Variants in IDH3A observed in about 807,000 individuals in gnomAD.
IDH3A encodes isocitrate dehydrogenase (NAD(+)) 3 catalytic subunit alpha, also known as isocitrate dehydrogenase [NAD] subunit alpha, mitochondrial.
A neutral mutation model predicts 43.3 loss-of-function variants in IDH3A; 23 were observed. That is an observed-to-expected ratio of 0.53 (90% CI 0.38 to 0.75). The LOEUF is 0.75. IDH3A is among the 30% of genes least tolerant of loss of function. The pLI, the probability that IDH3A is intolerant of heterozygous loss-of-function variation, is 0.00. For synonymous variants in IDH3A, 154 were observed against 163.5 expected (o/e 0.94, Z 0.44); for missense variants, 329 against 474.4 (o/e 0.69, Z 2.85).
In IDH3A at chr15:78,171,350, A is replaced by G; in HGVS notation, c.*2345A>G. The G allele has an allele frequency of 9.7e-7, 1 of 1,026,958 alleles. No homozygotes were observed. Among genetic ancestry groups the G allele is most frequent in the Non-Finnish European group, 1.5e-6 (1 of 685,982 alleles). The allele number at this position is 1,026,958 out of a possible 1,614,324, so 63.6% of individuals were successfully genotyped here. A position where few individuals can be genotyped will look rare whatever the true frequency, so the allele number is the denominator to read the frequency against. Reference sequence around the variant, plus strand: ...CTGGAGATCTAACAGACTTGGCAGAAATGCCTGTGCCCAGACTGAAGAGAC... The same window carrying G: ...CTGGAGATCTAACAGACTTGGCAGAGATGCCTGTGCCCAGACTGAAGAGAC... On this transcript the variant is annotated 3_prime_UTR_variant, in exon 11 of 11. Transcript: ENST00000299518.
intron 9 of IDH3A, among the ~76,000 whole-genome samples, chr15:78,165,916 T>C (rs2074735990): frequency 6.6e-6 from 1 of 152,174 alleles, no homozygotes; most frequent in Admixed American, 6.5e-5. Flanking sequence ...CTTGAACTCC[T>C]GGCCTCAAGT....
chr15:78,166,295 A>T lies in IDH3A; in HGVS notation c.1010A>T (p.Asp337Val), dbSNP rs376535434. The change falls in exon 10 of 11, where the codon GAC becomes GTC. Residue 337 changes from aspartate (D) to valine (V), a missense_variant. Coordinates refer to ENST00000299518, the MANE Select transcript of IDH3A (RefSeq NM_005530.3). The stretch of plus-strand genomic sequence containing the variant: ...GCTGCGTGTTTTGCTACAATTAAGG[A>T]CGGAAAGGTAACAGGAATCTTGATT... ...IEAACFATIK[D>V]GKSLTKDLGG... The T allele has an allele frequency of 7.4e-6, 12 of 1,613,992 alleles. No individual in the cohort carries two copies. In the African/African-American group the frequency reaches 1.3e-4, roughly 18 times the overall value.
intron 7 of IDH3A, 51 bp from the exon 8 acceptor site, chr15:78,163,665 T>A: frequency 6.4e-7 from 1 of 1,556,722 alleles, no homozygotes; most frequent in Non-Finnish European, 8.9e-7. Flanking sequence ...TGTCTGTGTG[T>A]TGTGGGGATG....
At chr15:78,160,677 A>G (rs2074672964) in intron 4 of IDH3A, among the ~76,000 whole-genome samples, 1 of 152,092 alleles carries the variant, frequency 6.6e-6, no homozygotes, top group Admixed American at 6.6e-5. Flanking sequence ...AGTTTTTTGT[A>G]GAGATGGGGT....
intron 2 of IDH3A, chr15:78,157,102 C>T (rs1169537637): frequency 8.7e-7 from 1 of 1,151,592 alleles, no homozygotes; most frequent in African/African-American, 1.6e-5. Context: ...AGAAGCTTTC[C>T]AGGATCACAA....
Position 78,162,372 on chromosome 15 carries a change from G to A in IDH3A, c.611+5G>A, listed in dbSNP as rs2074690556. 6.2e-7 allele frequency: 1 copy of A among 1,613,580 alleles called. No individual in the cohort carries two copies. Among genetic ancestry groups the A allele is most frequent in the African/African-American group, 1.3e-5 (1 of 75,030 alleles). Reference sequence around the variant, plus strand: ...GGTGCACAAAGCCAACATCATGTGAGCTCCTTGCGGGGGCCGGCACCCCAT... The same window carrying A: ...GGTGCACAAAGCCAACATCATGTGAACTCCTTGCGGGGGCCGGCACCCCAT... On this transcript the variant is annotated splice_donor_5th_base_variant and intron_variant, in intron 6 of 10. Coordinates refer to ENST00000299518, the MANE Select transcript of IDH3A (RefSeq NM_005530.3).
At chr15:78,155,013 G>A (rs192992217) in intron 1 of IDH3A, among the ~76,000 whole-genome samples, 200 bp from the exon 2 acceptor site, 1 of 152,278 alleles carries the variant, frequency 6.6e-6, no homozygotes, top group East Asian at 1.9e-4. Flanking sequence ...TCAATCTAAA[G>A]TAAAAATCTG....
chr15:78,160,235 T>C, intron 4 of IDH3A, 29 bp downstream of exon 4: 2 of 1,335,462 alleles, frequency 1.5e-6, no homozygotes, highest in Non-Finnish European at 2.2e-6. Flanking sequence ...CGGGGGTTTT[T>C]ACAGATTTCC....
chr15:78,158,786 TA>T (rs2074652055), intron 3 of IDH3A, among the ~76,000 whole-genome samples: 2 of 151,864 alleles, frequency 1.3e-5, no homozygotes, highest in South Asian at 4.2e-4. Context: ...TATTGTTTTT[TA>T]AAAACAGCTT....
In IDH3A at chr15:78,162,323, C is replaced by T; in HGVS notation, c.567C>T (p.Asn189=). The change falls in exon 6 of 11, where the codon AAC becomes AAT. Residue 189 remains asparagine, a synonymous_variant. Coordinates refer to ENST00000299518, the MANE Select transcript of IDH3A (RefSeq NM_005530.3). The stretch of plus-strand genomic sequence containing the variant: ...AGTTTGCCTTTGAGTATGCCCGGAA[C>T]AACCACCGGAGCAACGTCACGGCGG... ...IAEFAFEYAR[N]NHRSNVTAVH... is the part of the protein sequence containing the mutation. 1.2e-6 allele frequency: 2 copies of T among 1,614,200 alleles called. No individual in the cohort carries two copies. Among genetic ancestry groups the T allele is most frequent in the Non-Finnish European group, 1.7e-6 (2 of 1,180,044 alleles).
intron 1 of IDH3A, among the ~76,000 whole-genome samples, chr15:78,152,061 T>C (rs1160504953): frequency 6.9e-6 from 1 of 144,806 alleles, no homozygotes; most frequent in Non-Finnish European, 1.5e-5. Context: ...TTTTTTTTTT[T>C]TTTTTTTTTT....
intron 9 of IDH3A, among the ~76,000 whole-genome samples, chr15:78,165,820 C>G (rs1392709236): frequency 6.6e-6 from 1 of 152,100 alleles, no homozygotes; most frequent in Non-Finnish European, 1.5e-5. Flanking sequence ...TCCCAAGTAG[C>G]TGGCACTGTA....
intron 6 of IDH3A, among the ~76,000 whole-genome samples, chr15:78,162,957 G>C (rs1295305529): frequency 6.6e-6 from 1 of 152,216 alleles, no homozygotes; most frequent in African/African-American, 2.4e-5. Context: ...ATCAGGAAAG[G>C]AAATTGGAGC....
At chr15:78,156,906 A>G in intron 2 of IDH3A, 1 of 1,351,768 alleles carries the variant, frequency 7.4e-7, no homozygotes, top group African/African-American at 1.5e-5. Flanking sequence ...TTTTGGTTGC[A>G]GATCAACTTT....
intron 1 of IDH3A, 75 bp downstream of exon 1, chr15:78,149,505 G>A (rs2074554991): frequency 2.2e-6 from 3 of 1,351,450 alleles, no homozygotes; most frequent in East Asian, 2.9e-5. Context: ...CGCGTGCCGG[G>A]TGTGGGCGGG....
Position 78,149,427 on chromosome 15 carries a change from T to A in IDH3A, c.24T>A (p.Ser8=). MAGPAWI[S]KVSRLLGAFH... is the part of the protein sequence containing the mutation. Reference sequence around the variant, plus strand: ...CGATGGCTGGGCCCGCGTGGATCTCTAAGGTGAGCGCTGGCAGGCCGGCGT... The same window carrying A: ...CGATGGCTGGGCCCGCGTGGATCTCAAAGGTGAGCGCTGGCAGGCCGGCGT... Residue 8 remains serine, a synonymous_variant, in exon 1 of 11, where the codon TCT becomes TCA. Coordinates refer to ENST00000299518, the MANE Select transcript of IDH3A (RefSeq NM_005530.3). The A allele has an allele frequency of 6.5e-7, 1 of 1,548,610 alleles. No individual in the cohort carries two copies. The highest frequency in any genetic ancestry group is 2.5e-5 in the East Asian group (1 of 40,208).
At chr15:78,163,406 T>C (rs1266436721) in intron 6 of IDH3A, 101 bp from the exon 7 acceptor site, 2 of 759,850 alleles carry the variant, frequency 2.6e-6, no homozygotes, top group Non-Finnish European at 4.4e-6. Flanking sequence ...GTAGCTTGGC[T>C]TCTGGAACTT....
rs976007501 is a variant in IDH3A at position 78,161,291 on chromosome 15, C to T, written c.290-290C>T. Reference sequence around the variant, plus strand: ...TTATTCTTATTTTTTCTTTTTTCGTCATTTTTAAATGACAGTAACAGAGTT... The same window carrying T: ...TTATTCTTATTTTTTCTTTTTTCGTTATTTTTAAATGACAGTAACAGAGTT... On this transcript the variant is annotated intron_variant, in intron 4 of 10. Transcript: ENST00000299518. This position sits in a 1 kb window ranked among gnomAD's most constrained non-coding sequence, Gnocchi z 4.8. Among the ~76,000 whole-genome samples, 3 of 152,116 alleles carry T rather than the reference C, an allele frequency of 2.0e-5. No individual in the cohort carries two copies. The highest frequency in any genetic ancestry group is 7.2e-5 in the African/African-American group (3 of 41,430).
chr15:78,171,374 A>G lies in IDH3A; in HGVS notation c.*2369A>G, dbSNP rs1595876183. The G allele has an allele frequency of 1.5e-6, 2 of 1,339,152 alleles. No homozygotes were observed. The highest frequency in any genetic ancestry group is 4.7e-5 in the East Asian group (2 of 42,692). The allele number at this position is 1,339,152 out of a possible 1,614,324, so 83.0% of individuals were successfully genotyped here. A position where few individuals can be genotyped will look rare whatever the true frequency, so the allele number is the denominator to read the frequency against. ...AAATGCCTGTGCCCAGACTGAAGAG[A>G]CCTGGGGCTCAGGAAGAGGCTCGGA... On this transcript the variant is annotated 3_prime_UTR_variant, in exon 11 of 11. Transcript: ENST00000299518.
Sources: gnomAD v4.1 joint callset for allele counts (sites outside exome capture counted in the v4.1 genomes callset) on GRCh38, gnomAD v4.1.1 for gene constraint, Gnocchi (gnomAD v3.1) non-coding constraint, MANE v1.5 for transcripts, NCBI Gene and HGNC (gene_info 2026-07-23, HGNC 2026-07-21) for gene names.